ZNF215: variants seen among roughly 807,000 people sequenced by gnomAD.
ZNF215 encodes BWSCR2-associated zinc finger protein 2.
ZNF215 carries 24 observed loss-of-function variants against 27.2 expected under a neutral mutation model. The observed-to-expected ratio is 0.88, with a 90% confidence interval of 0.64 to 1.24. The LOEUF (loss-of-function observed/expected upper bound fraction) is 1.24. Ranked by LOEUF, ZNF215 falls within the 50% of genes most tolerant of loss-of-function variation. The pLI is 0.00. For synonymous variants in ZNF215, 210 were observed against 204.0 expected (o/e 1.03, Z -0.25); for missense variants, 675 against 605.7 (o/e 1.11, Z -1.20).
intron 5 of ZNF215, among the ~76,000 whole-genome samples, chr11:6,969,503 G>C (rs948265758): frequency 6.6e-6 from 1 of 151,728 alleles, no homozygotes; most frequent in African/African-American, 2.4e-5. Context: ...CAAATAACTT[G>C]AATGTACTCC....
At chr11:6,944,710 C>A (rs897573792) in intron 6 of ZNF215, among the ~76,000 whole-genome samples, 1 of 151,534 alleles carries the variant, frequency 6.6e-6, no homozygotes, top group Admixed American at 6.6e-5. Flanking sequence ...ATTTTTTAAG[C>A]CATTTTCTTT....
At chr11:6,968,140 C>G (rs1850659033) in intron 5 of ZNF215, among the ~76,000 whole-genome samples, 1 of 152,110 alleles carries the variant, frequency 6.6e-6, no homozygotes. Flanking sequence ...TTCCATTGGT[C>G]TATATATCTG....
Position 6,956,037 on chromosome 11 carries a change from GA to G in ZNF215, c.1062del (p.Glu354AspfsTer8). 6.2e-7 allele frequency: 1 copy of G among 1,608,588 alleles called. No homozygotes were observed. Among genetic ancestry groups the G allele is most frequent in the Non-Finnish European group, 8.5e-7 (1 of 1,178,298 alleles). ...NLDSVGKQHS[E>X]YEYGNDLSLS... ...AGACTCAGTAGGTAAGCAACATTCA[GA>G]ATATGAATATGGGAATGACTTGAGT... On this transcript the variant is annotated frameshift_variant, in exon 7 of 7. Transcript: ENST00000278319. LOFTEE classifies it low-confidence loss of function (END_TRUNC).
intron 5 of ZNF215, among the ~76,000 whole-genome samples, chr11:6,967,627 C>A (rs149690696): frequency 6.7e-6 from 1 of 149,808 alleles, no homozygotes; most frequent in Non-Finnish European, 1.5e-5. Context: ...TCTGTTGATA[C>A]CCTTTTGTTT....
intron 6 of ZNF215, among the ~76,000 whole-genome samples, chr11:6,945,211 C>T (rs1849777147): frequency 6.6e-6 from 1 of 152,130 alleles, no homozygotes; most frequent in South Asian, 2.1e-4. Flanking sequence ...CTCTTTTCTT[C>T]CTTTCTAAGG....
Position 6,957,920 on chromosome 11 carries a change from A to C in ZNF215, c.*1389A>C, listed in dbSNP as rs1772083281. The stretch of plus-strand genomic sequence containing the variant: ...CAAGAAGTATGACTTAATCTGCCCC[A>C]AAAAATTCACACTGGAGACATTCCC... On this transcript the variant is annotated 3_prime_UTR_variant, in exon 7 of 7. Transcript: ENST00000278319. The C allele has an allele frequency of 2.0e-6, 2 of 985,424 alleles. No individual in the cohort carries two copies. The highest frequency in any genetic ancestry group is 4.7e-5 in the South Asian group (1 of 21,278). 61.0% of individuals were successfully genotyped at this position (985,424 alleles called of 1,614,324 possible).
intron 5 of ZNF215, among the ~76,000 whole-genome samples, chr11:6,973,202 C>G (rs911753773): frequency 5.3e-5 from 8 of 152,136 alleles, no homozygotes; most frequent in African/African-American, 1.9e-4. Flanking sequence ...CAGCTTCATC[C>G]ATGTCCCTAC....
At chr11:6,958,158 C>G (rs139705280), downstream of ZNF215, 51 of 807,316 alleles carry the variant, frequency 6.3e-5, no homozygotes, top group Middle Eastern at 1.9e-3. Context: ...AGAAGCCTAA[C>G]AAGAGAAAAG....
chr11:6,966,633 A>C (rs537817398), intron 5 of ZNF215, among the ~76,000 whole-genome samples: 2 of 152,070 alleles, frequency 1.3e-5, no homozygotes, highest in Non-Finnish European at 2.9e-5. Context: ...TCCTGATAGC[A>C]TAACTTGTAT....
downstream of ZNF215, among the ~76,000 whole-genome samples, chr11:6,986,530 T>G (rs1851055607): frequency 6.6e-6 from 1 of 152,042 alleles, no homozygotes; most frequent in Non-Finnish European, 1.5e-5. Flanking sequence ...GGAACCTAAT[T>G]AAAGAGCTTC....
In ZNF215 at chr11:6,932,419, A is replaced by G; in HGVS notation, c.147A>G (p.Gln49=). Residue 49 remains glutamine (Q), a synonymous_variant, in exon 3 of 7, where the codon CAA becomes CAG. Transcript: ENST00000278319. ...CACATGACTCTGAGGCATCTCGTCAAAAGTTCAGACATTTCCAGTATTTGA... is the reference window on the plus strand; with the variant it reads ...CACATGACTCTGAGGCATCTCGTCAGAAGTTCAGACATTTCCAGTATTTGA... ...VETHDSEASR[Q]KFRHFQYLKV... The G allele has an allele frequency of 6.2e-7, 1 of 1,614,178 alleles. No individual in the cohort carries two copies. The highest frequency in any genetic ancestry group is 8.5e-7 in the Non-Finnish European group (1 of 1,180,014).
intron 6 of ZNF215, among the ~76,000 whole-genome samples, chr11:6,952,833 T>A (rs1053727224): frequency 6.6e-6 from 1 of 151,900 alleles, no homozygotes; most frequent in Non-Finnish European, 1.5e-5. Context: ...GTAGCCTCGA[T>A]GGTCTTTACA....
chr11:6,993,445 T>C (rs114557615), downstream of ZNF215, among the ~76,000 whole-genome samples: 1,381 of 152,354 alleles, frequency 9.1e-3, 19 homozygotes, highest in African/African-American at 0.031. Flanking sequence ...ACTATGCTTA[T>C]GCAGTAAGAT....
intron 3 of ZNF215, among the ~76,000 whole-genome samples, chr11:6,938,319 A>ATCCT: frequency 6.6e-6 from 1 of 152,022 alleles, no homozygotes; most frequent in East Asian, 1.9e-4. Context: ...ATAATTACAA[A>ATCCT]AGGAAAACGA....
downstream of ZNF215, among the ~76,000 whole-genome samples, chr11:6,985,294 A>G (rs1354555961): frequency 6.6e-6 from 1 of 152,202 alleles, no homozygotes; most frequent in Non-Finnish European, 1.5e-5. Context: ...TTAAAAGGAA[A>G]AAAACTAATC....
chr11:6,988,741 G>A (rs1851086826), downstream of ZNF215: 1 of 152,064 alleles, frequency 6.6e-6, no homozygotes, highest in Admixed American at 6.6e-5. Context: ...GGCTTCCTGG[G>A]GTTTGTGGTA....
At chr11:6,929,187 C>G (rs1295890102) in intron 2 of ZNF215, among the ~76,000 whole-genome samples, 2 of 152,172 alleles carry the variant, frequency 1.3e-5, no homozygotes, top group African/African-American at 4.8e-5. Context: ...TGGCTTTCCA[C>G]TTGCTGTGGG....
chr11:6,979,238 A>C (rs1420770782), intron 5 of ZNF215, among the ~76,000 whole-genome samples: 3 of 152,028 alleles, frequency 2.0e-5, no homozygotes, highest in South Asian at 4.1e-4. Flanking sequence ...ACGGTTTCCA[A>C]GAATATCAGG....
intron 5 of ZNF215, among the ~76,000 whole-genome samples, chr11:6,964,605 C>T (rs529270511): frequency 1.3e-5 from 2 of 151,542 alleles, no homozygotes; most frequent in East Asian, 1.9e-4. Context: ...ATCTTTGTGC[C>T]TATCCTTTCA....
Sources: allele counts gnomAD v4.1 joint callset (sites outside exome capture counted in the v4.1 genomes callset), GRCh38; gene constraint gnomAD v4.1.1; transcripts MANE v1.5; gene names NCBI Gene and HGNC (gene_info 2026-07-23, HGNC 2026-07-21).